Variants in ROBO2 observed in about 807,000 individuals in gnomAD.
ROBO2 encodes roundabout guidance receptor 2.
In ROBO2, 53 loss-of-function variants were observed where a neutral mutation model predicts 160.8. The observed-to-expected ratio is 0.33, with a 90% CI of 0.26 to 0.41. The LOEUF is 0.41. Ranked by LOEUF, ROBO2 falls within the 10% of genes least tolerant of loss-of-function variation. The probability of loss-of-function intolerance (pLI) is 1.00; values close to 1 mark genes in which losing one functional copy is unlikely to be tolerated. For synonymous variants in ROBO2, 664 were observed against 611.7 expected, an observed-to-expected ratio of 1.09 and a Z score of -1.26; for missense variants, 1,577 against 1,722.4, an observed-to-expected ratio of 0.92 and a Z score of 1.49.
At chr3:76,673,716 G>GT (rs992451860) in intron 2 of ROBO2, among the ~76,000 whole-genome samples, 194 of 150,306 alleles carry the variant, frequency 1.3e-3, no homozygotes, top group Middle Eastern at 6.8e-3. Flanking sequence ...CAATAGGATC[G>GT]TTTTTTTTTA....
intron 2 of ROBO2, among the ~76,000 whole-genome samples, chr3:77,020,890 A>G (rs1287225159): frequency 6.6e-6 from 1 of 152,158 alleles, no homozygotes; most frequent in Non-Finnish European, 1.5e-5. Flanking sequence ...TACTAAACAA[A>G]GATAATTTGA....
intron 2 of ROBO2, among the ~76,000 whole-genome samples, chr3:76,956,235 T>G (rs778986369): frequency 3.9e-5 from 6 of 152,134 alleles, no homozygotes; most frequent in Non-Finnish European, 8.8e-5. Context: ...TACAGAGATT[T>G]AAATTGCCTT....
At chr3:76,821,950 A>C (rs373746040) in intron 2 of ROBO2, among the ~76,000 whole-genome samples, 1 of 152,188 alleles carries the variant, frequency 6.6e-6, no homozygotes, top group East Asian at 1.9e-4. Flanking sequence ...GTAGTAATAA[A>C]GAGACCAATA....
At chr3:76,296,029 A>G (rs1161730000) in intron 2 of ROBO2, among the ~76,000 whole-genome samples, 2 of 152,234 alleles carry the variant, frequency 1.3e-5, no homozygotes. Context: ...TTTCAAGTCC[A>G]TAGAACCTGT....
chr3:76,052,103 TA>T (rs1487063181), intron 2 of ROBO2, among the ~76,000 whole-genome samples: 2 of 152,124 alleles, frequency 1.3e-5, no homozygotes, highest in Non-Finnish European at 1.5e-5. Context: ...CAATCTATTT[TA>T]AAAACCTATG....
intron 2 of ROBO2, among the ~76,000 whole-genome samples, chr3:76,649,207 T>C (rs1457661423): frequency 6.6e-6 from 1 of 152,156 alleles, no homozygotes; most frequent in Non-Finnish European, 1.5e-5. Flanking sequence ...TTTGTTTTGT[T>C]ACAACTCAAC....
intron 2 of ROBO2, among the ~76,000 whole-genome samples, chr3:76,369,139 G>C (rs76679092): frequency 0.019 from 2,960 of 151,952 alleles, 60 homozygotes; most frequent in Non-Finnish European, 0.031. Context: ...TTCTTTCCCA[G>C]GTGTTTTTGC....
At chr3:77,194,759 C>A (rs2082164521) in intron 2 of ROBO2, among the ~76,000 whole-genome samples, 2 of 151,548 alleles carry the variant, frequency 1.3e-5, no homozygotes, top group Admixed American at 1.3e-4. Context: ...GATTTTTGGC[C>A]ATTAGGACAA....
At chr3:76,666,013 A>ATATTACATATGTATATATATTACATATG (rs2092026517) in intron 2 of ROBO2, among the ~76,000 whole-genome samples, 2 of 122,398 alleles carry the variant, frequency 1.6e-5, no homozygotes, top group East Asian at 4.0e-4. Context: ...TAATATATAC[A>ATATTACATATGTATATATATTACATATG]TATTATATAT....
chr3:77,560,410 G>A (rs2093283244), intron 9 of ROBO2, among the ~76,000 whole-genome samples: 1 of 152,078 alleles, frequency 6.6e-6, no homozygotes, highest in Non-Finnish European at 1.5e-5. Flanking sequence ...GGTGATGATG[G>A]TAATACCAAG....
chr3:76,622,220 AAGGAAGG>A (rs1560251500), intron 2 of ROBO2, among the ~76,000 whole-genome samples: 10 of 49,844 alleles, frequency 2.0e-4, no homozygotes, highest in African/African-American at 9.1e-4. Flanking sequence ...GGAAGGAAGG[AAGGAAGG>A]AAGGAAGGAA....
chr3:76,533,470 T>C (rs2082333425), intron 2 of ROBO2, among the ~76,000 whole-genome samples: 1 of 152,192 alleles, frequency 6.6e-6, no homozygotes, highest in African/African-American at 2.4e-5. Flanking sequence ...TAGATGCACA[T>C]CATATTAGAA....
chr3:75,940,203 TA>T (rs1317847743), intron 2 of ROBO2, among the ~76,000 whole-genome samples: 1 of 152,080 alleles, frequency 6.6e-6, no homozygotes, highest in South Asian at 2.1e-4. Flanking sequence ...GTAGCTAAGT[TA>T]AAAAAACGGA....
At chr3:76,305,093 G>T (rs1052205187) in intron 2 of ROBO2, among the ~76,000 whole-genome samples, 2 of 151,880 alleles carry the variant, frequency 1.3e-5, no homozygotes, top group African/African-American at 4.8e-5. Flanking sequence ...TGGTCATCTT[G>T]GGAGCTTCAG....
At chr3:77,340,113 C>T (rs1235030120) in intron 2 of ROBO2, among the ~76,000 whole-genome samples, 1 of 152,072 alleles carries the variant, frequency 6.6e-6, no homozygotes, top group Admixed American at 6.6e-5. Context: ...TCTTTGCTAT[C>T]ATAAGTGGTA....
intron 2 of ROBO2, among the ~76,000 whole-genome samples, chr3:76,692,643 A>G (rs1224655947): frequency 6.6e-6 from 1 of 152,106 alleles, no homozygotes; most frequent in Non-Finnish European, 1.5e-5. Context: ...AAGTTTGGCA[A>G]TACCCTTTTC....
intron 2 of ROBO2, among the ~76,000 whole-genome samples, chr3:76,498,360 A>C (rs1047521629): frequency 6.6e-6 from 1 of 152,116 alleles, no homozygotes. Context: ...GTTAGATAGG[A>C]ATAAATTCAA....
intron 2 of ROBO2, among the ~76,000 whole-genome samples, chr3:77,008,621 A>G (rs566535483): frequency 6.6e-6 from 1 of 152,284 alleles, no homozygotes; most frequent in Non-Finnish European, 1.5e-5. Context: ...TTTACTTCAT[A>G]TCTGAGAAGG....
At chr3:76,430,248 C>T (rs898593109) in intron 2 of ROBO2, among the ~76,000 whole-genome samples, 8 of 151,854 alleles carry the variant, frequency 5.3e-5, no homozygotes, top group African/African-American at 1.5e-4. Context: ...CTTATAATGC[C>T]GCTTCCCTGA....
Sources: allele counts gnomAD v4.1 joint callset (sites outside exome capture counted in the v4.1 genomes callset), GRCh38; gene constraint gnomAD v4.1.1; transcripts MANE v1.5; gene names NCBI Gene and HGNC (gene_info 2026-07-23, HGNC 2026-07-21).